The following ZNF93 variants were observed in gnomAD, a reference collection of about 807,000 sequenced individuals.
ZNF93 encodes zinc finger protein 93, also known as zinc finger protein 505.
A neutral mutation model predicts 45.0 loss-of-function variants in ZNF93; 29 were observed. The ratio of observed to expected loss-of-function variants is 0.64; its 90% CI spans 0.48 to 0.88. The LOEUF (loss-of-function observed/expected upper bound fraction) is 0.88, where lower values mean the gene tolerates loss of function less well. Among genes scored for constraint, ZNF93 ranks in the 40% least tolerant of loss-of-function variants. The pLI, the probability that ZNF93 is intolerant of heterozygous loss-of-function variation, is 0.00. For synonymous variants in ZNF93, 223 were observed against 244.6 expected (o/e 0.91, Z 0.82); for missense variants, 578 against 724.0 (o/e 0.80, Z 2.31).
intron 1 of ZNF93, among the ~76,000 whole-genome samples, chr19:19,901,451 T>C (rs1429032068): frequency 1.3e-5 from 2 of 152,070 alleles, no homozygotes; most frequent in Non-Finnish European, 2.9e-5. Context: ...CTTTAGTGGG[T>C]TGGGTTCACA....
intron 1 of ZNF93, chr19:19,909,115 G>A (rs1258055349): frequency 1.3e-5 from 2 of 152,274 alleles, no homozygotes; most frequent in Non-Finnish European, 2.9e-5. Context: ...TATCCATGAC[G>A]CCTGCAGGCT....
At chr19:19,931,611 C>T (rs1292928206) in intron 3 of ZNF93, among the ~76,000 whole-genome samples, 2 of 152,146 alleles carry the variant, frequency 1.3e-5, no homozygotes, top group African/African-American at 4.8e-5. Flanking sequence ...GTGATCAGCC[C>T]ATCTTGAACT....
At chr19:19,931,571 C>A (rs555421074) in intron 3 of ZNF93, among the ~76,000 whole-genome samples, 1 of 152,260 alleles carries the variant, frequency 6.6e-6, no homozygotes, top group South Asian at 2.1e-4. Flanking sequence ...TGCCATGTTG[C>A]CCAGGCTGAT....
chr19:19,916,773 G>T (rs1023308828), intron 3 of ZNF93, 118 bp downstream of exon 3: 1 of 698,970 alleles, frequency 1.4e-6, no homozygotes, highest in Non-Finnish European at 2.3e-6. Context: ...AATAGTTCCT[G>T]GGCAGCTGTT....
intron 3 of ZNF93, among the ~76,000 whole-genome samples, chr19:19,922,933 C>T (rs550690533): frequency 6.6e-6 from 1 of 152,346 alleles, no homozygotes; most frequent in South Asian, 2.1e-4. Flanking sequence ...CTTCTCTTAA[C>T]TCATCAAAGT....
At chr19:19,910,907 T>A (rs2063305895) in intron 1 of ZNF93, among the ~76,000 whole-genome samples, 1 of 152,182 alleles carries the variant, frequency 6.6e-6, no homozygotes, top group African/African-American at 2.4e-5. Flanking sequence ...ATAGACATCT[T>A]ACAGCCCCCA....
At chr19:19,932,313 G>T (rs546806279) in intron 3 of ZNF93, 1 of 153,266 alleles carries the variant, frequency 6.5e-6, no homozygotes, top group Non-Finnish European at 1.5e-5. Flanking sequence ...TATCACTAGA[G>T]TGTTTTTTAT....
chr19:19,912,830 G>A (rs2063313149), intron 1 of ZNF93, among the ~76,000 whole-genome samples: 1 of 152,174 alleles, frequency 6.6e-6, no homozygotes, highest in Non-Finnish European at 1.5e-5. Flanking sequence ...CATATAATGT[G>A]TTATGCCCAG....
Position 19,935,205 on chromosome 19 carries a change from T to C in ZNF93, c.*387T>C. On this transcript the variant is annotated 3_prime_UTR_variant, in exon 4 of 4. Transcript: ENST00000343769. ...CTGACTGCCAAAACATGCCCTAGTG[T>C]CTGCCGTACAGAGTGAAGTCCTGAA... The C allele has an allele frequency of 4.9e-6, 1 of 203,656 alleles. No homozygotes were observed. Among genetic ancestry groups the C allele is most frequent in the Non-Finnish European group, 1.0e-5 (1 of 100,486 alleles). 12.6% of individuals were successfully genotyped at this position (203,656 alleles called of 1,614,324 possible).
chr19:19,909,947 A>G (rs568722249), intron 1 of ZNF93, among the ~76,000 whole-genome samples: 1 of 152,364 alleles, frequency 6.6e-6, no homozygotes, highest in East Asian at 1.9e-4. Flanking sequence ...AATTTCTACA[A>G]ACTTCACAGG....
At chr19:19,902,930 G>A (rs540138011) in intron 1 of ZNF93, among the ~76,000 whole-genome samples, 2 of 151,862 alleles carry the variant, frequency 1.3e-5, no homozygotes, top group South Asian at 4.2e-4. Flanking sequence ...TAATAGAGAC[G>A]GGGTTTCACC....
chr19:19,915,171 C>T (rs2063319942), intron 1 of ZNF93, 109 bp from the exon 2 acceptor site: 2 of 1,566,850 alleles, frequency 1.3e-6, no homozygotes, highest in African/African-American at 1.4e-5. Flanking sequence ...TAATTTTAGT[C>T]AGTCCTATAA....
chr19:19,934,799 A>C lies in ZNF93; in HGVS notation c.1844A>C (p.His615Pro). 6.3e-7 allele frequency: 1 copy of C among 1,597,966 alleles called. No individual in the cohort carries two copies. The highest frequency in any genetic ancestry group is 8.5e-7 in the Non-Finnish European group (1 of 1,173,136). Residue 615 changes from histidine (H) to proline (P), a missense_variant, in exon 4 of 4, where the codon CAT (histidine) becomes CCT (proline). By Grantham distance (77) the His-to-Pro change is moderately conservative. Transcript: ENST00000343769. Reference protein sequence around the residue: ...PSSLSRHEIIHTGEKP With the variant: ...PSSLSRHEIIPTGEKP ...AGCCTTAGTAGACATGAGATAATTC[A>C]TACTGGGGAGAAACCCTAGAAGTGT...
intron 1 of ZNF93, among the ~76,000 whole-genome samples, chr19:19,913,113 G>A (rs1307907266): frequency 6.7e-6 from 1 of 149,566 alleles, no homozygotes; most frequent in Non-Finnish European, 1.5e-5. Flanking sequence ...CTCATAATGA[G>A]CCAGTGGGGA....
At chr19:19,916,726 C>T in intron 3 of ZNF93, 71 bp downstream of exon 3, 1 of 1,107,878 alleles carries the variant, frequency 9.0e-7, no homozygotes, top group Non-Finnish European at 1.3e-6. Context: ...GAAAGCCAGT[C>T]CTTAAAATGT....
At chr19:19,904,624 T>A (rs770729636) in intron 1 of ZNF93, among the ~76,000 whole-genome samples, 12 of 152,176 alleles carry the variant, frequency 7.9e-5, no homozygotes, top group Non-Finnish European at 1.6e-4. Flanking sequence ...GTTGGAGAAT[T>A]GTTTGATGTT....
rs555525079 is a variant in ZNF93, at chr19:19,933,555, C to G, written c.600C>G (p.Pro200=). The G allele has an allele frequency of 6.2e-7, 1 of 1,607,788 alleles. No individual in the cohort carries two copies. The change falls in exon 4 of 4, where the codon CCC becomes CCG. Residue 200 remains proline, a synonymous_variant. Coordinates refer to ENST00000343769, the MANE Select transcript of ZNF93 (RefSeq NM_031218.4). ...AGAAAATTCATACTGGAGAGAAACC[C>G]TACATTTGTGAAGAATGTGGCAAAG... is the stretch of plus-strand genomic sequence containing the variant. ...THKKIHTGEK[P]YICEECGKAF...
rs2063388835 is a variant in ZNF93, at chr19:19,935,009, A to C, written c.*191A>C. ...GGCAGGCCTGCAGACCTTGGCCTTTACTACGGTACCTGAAGTGGTTCAATG... is the reference window on the plus strand; with the variant it reads ...GGCAGGCCTGCAGACCTTGGCCTTTCCTACGGTACCTGAAGTGGTTCAATG... On this transcript the variant is annotated 3_prime_UTR_variant, in exon 4 of 4. Transcript: ENST00000343769. The C allele has an allele frequency of 1.7e-6, 1 of 596,772 alleles. No individual in the cohort carries two copies. Among genetic ancestry groups the C allele is most frequent in the Non-Finnish European group, 2.8e-6 (1 of 352,512 alleles). The allele number at this position is 596,772 out of a possible 1,614,324, so 37.0% of individuals were successfully genotyped here. A position where few individuals can be genotyped will look rare whatever the true frequency, so the allele number is the denominator to read the frequency against.
At chr19:19,915,702 C>A (rs895072687) in intron 2 of ZNF93, among the ~76,000 whole-genome samples, 1 of 151,938 alleles carries the variant, frequency 6.6e-6, no homozygotes, top group Non-Finnish European at 1.5e-5. Context: ...ATTAGCCAGG[C>A]GTTGTGGCAT....
Sources: allele counts gnomAD v4.1 joint callset (sites outside exome capture counted in the v4.1 genomes callset), GRCh38; gene constraint gnomAD v4.1.1; transcripts MANE v1.5; gene names NCBI Gene and HGNC (gene_info 2026-07-23, HGNC 2026-07-21).